Variants in FHIT observed in about 807,000 individuals in gnomAD.
FHIT encodes the protein fragile histidine triad diadenosine triphosphatase.
FHIT carries 19 observed loss-of-function variants against 17.9 expected under a neutral mutation model. The ratio of observed to expected loss-of-function variants is 1.06; its 90% confidence interval spans 0.74 to 1.56. The LOEUF (loss-of-function observed/expected upper bound fraction) is 1.56. Ranked by LOEUF, FHIT falls within the 40% of genes most tolerant of loss-of-function variation. FHIT has a pLI of 0.00. For missense variants in FHIT, 248 were observed against 189.2 expected, an observed-to-expected ratio of 1.31 and a Z score of -1.82; for synonymous variants, 81 against 69.7, an observed-to-expected ratio of 1.16 and a Z score of -0.81.
chr3:59,867,550 T>A (rs1284423843), intron 8 of FHIT, among the ~76,000 whole-genome samples: 1 of 152,140 alleles, frequency 6.6e-6, no homozygotes, highest in Non-Finnish European at 1.5e-5. Context: ...CTTGCATTTA[T>A]GCATTTTGCT....
chr3:59,963,749 G>T (rs1188026647), intron 7 of FHIT, among the ~76,000 whole-genome samples: 1 of 152,136 alleles, frequency 6.6e-6, no homozygotes, highest in Admixed American at 6.5e-5. Context: ...ACTCCAAGAA[G>T]AATTCTCAAT....
chr3:61,011,785 G>A (rs566497623), intron 3 of FHIT, among the ~76,000 whole-genome samples: 1 of 152,190 alleles, frequency 6.6e-6, no homozygotes, highest in East Asian at 1.9e-4. Context: ...AAGCAAAATG[G>A]GAATCTGTAA....
At chr3:59,973,759 T>A (rs1024146790) in intron 7 of FHIT, among the ~76,000 whole-genome samples, 4 of 152,160 alleles carry the variant, frequency 2.6e-5, no homozygotes, top group Non-Finnish European at 5.9e-5. Flanking sequence ...TGATTGAAGT[T>A]ATTTTGGGCC....
intron 2 of FHIT, among the ~76,000 whole-genome samples, chr3:61,043,313 C>T (rs1396605107): frequency 6.6e-6 from 1 of 151,442 alleles, no homozygotes; most frequent in African/African-American, 2.4e-5. Flanking sequence ...ATATCCCGCG[C>T]CTAGCTCGGA....
At chr3:61,243,087 GTCTGGCCTACGCACAGGAA>G (rs2040409936) in intron 1 of FHIT, among the ~76,000 whole-genome samples, 1 of 152,206 alleles carries the variant, frequency 6.6e-6, no homozygotes, top group South Asian at 2.1e-4. Flanking sequence ...CCCAAAGTTA[GTCTGGCCTACGCACAGGAA>G]TGAACGAGGA....
At chr3:61,168,664 C>T (rs974247794) in intron 2 of FHIT, among the ~76,000 whole-genome samples, 5 of 152,310 alleles carry the variant, frequency 3.3e-5, no homozygotes, top group African/African-American at 1.2e-4. Flanking sequence ...CTGAAGAATG[C>T]GAATTTAGTT....
intron 5 of FHIT, among the ~76,000 whole-genome samples, chr3:60,185,444 G>A (rs573812244): frequency 6.6e-6 from 1 of 152,108 alleles, no homozygotes. Flanking sequence ...ATGTTTCTAT[G>A]TATAGTTCAT....
chr3:59,878,317 C>T (rs899464096), intron 8 of FHIT, among the ~76,000 whole-genome samples: 3 of 152,086 alleles, frequency 2.0e-5, no homozygotes, highest in African/African-American at 7.2e-5. Context: ...TAAGACAGTT[C>T]AGAAGAGAAA....
At chr3:60,579,430 T>C (rs1212866111) in intron 4 of FHIT, among the ~76,000 whole-genome samples, 1 of 152,166 alleles carries the variant, frequency 6.6e-6, no homozygotes, top group Non-Finnish European at 1.5e-5. Context: ...AATGTCATTA[T>C]GTGGTGCATG....
rs1484581877 is a variant in FHIT at position 60,773,310 on chromosome 3, A to C, written c.-18+48609T>G. 2.0e-5 allele frequency among the ~76,000 whole-genome samples: 3 copies of C among 152,332 alleles called. No homozygotes were observed. In the East Asian group the frequency reaches 5.8e-4, roughly 29 times the overall value. On this transcript the variant is annotated intron_variant, in intron 4 of 9. Coordinates refer to ENST00000492590, the MANE Select transcript of FHIT (RefSeq NM_002012.4). ...AGGTCAAAACCAAGAATATTTATTT[A>C]TTAGTGTACCCTGTAGCTCTGTACC...
chr3:60,942,888 G>A lies in FHIT; in HGVS notation c.-111+99159C>T, dbSNP rs556892801. Among the ~76,000 whole-genome samples, 35 of 152,206 alleles carry A rather than the reference G, an allele frequency of 2.3e-4. 1 individual carries two copies. The South Asian group carries it at 7.0e-3, about 31-fold the overall frequency. On this transcript the variant is annotated intron_variant, in intron 3 of 9. Transcript: ENST00000492590. Reference sequence around the variant, plus strand: ...TTGTGTCCCACAAGACTTAAAGTATGTACTAATTTCTATCATCATTTTTCT... The same window carrying A: ...TTGTGTCCCACAAGACTTAAAGTATATACTAATTTCTATCATCATTTTTCT...
rs1356530211 is a variant in FHIT at position 60,962,425 on chromosome 3, T to C, written c.-111+79622A>G. Among the ~76,000 whole-genome samples the C allele has an allele frequency of 2.6e-5, 4 of 152,218 alleles. No individual in the cohort carries two copies. In the South Asian group the frequency reaches 8.3e-4, roughly 32 times the overall value. On this transcript the variant is annotated intron_variant, in intron 3 of 9. Transcript: ENST00000492590. ...TTCCTAATTCAATACACTTTATTTCTTTCTCTTGCCTGATTGCCCTGGCCA... is the reference window on the plus strand; with the variant it reads ...TTCCTAATTCAATACACTTTATTTCCTTCTCTTGCCTGATTGCCCTGGCCA...
At chr3:60,133,201 T>C (rs893462819) in intron 5 of FHIT, among the ~76,000 whole-genome samples, 1 of 152,126 alleles carries the variant, frequency 6.6e-6, no homozygotes, top group African/African-American at 2.4e-5. Flanking sequence ...AGGAGGGCTA[T>C]ACCCCAAGCC....
chr3:59,950,821 T>C (rs1054019942), intron 7 of FHIT, among the ~76,000 whole-genome samples: 2 of 152,188 alleles, frequency 1.3e-5, no homozygotes, highest in African/African-American at 4.8e-5. Flanking sequence ...AGAGCCATCA[T>C]CCTTATGCTG....
intron 3 of FHIT, among the ~76,000 whole-genome samples, chr3:60,823,014 G>A (rs1315328137): frequency 5.9e-5 from 9 of 152,116 alleles, no homozygotes; most frequent in East Asian, 3.9e-4. Context: ...AATAATCTTG[G>A]TCTACATCAT....
chr3:60,017,351 A>AG (rs200842200), intron 5 of FHIT, among the ~76,000 whole-genome samples: 2 of 152,180 alleles, frequency 1.3e-5, no homozygotes, highest in African/African-American at 2.4e-5. Context: ...AAGATCAAAA[A>AG]GGGGGGAGAG....
intron 8 of FHIT, among the ~76,000 whole-genome samples, chr3:59,807,379 GAAC>G (rs1441640743): frequency 6.6e-6 from 1 of 152,126 alleles, no homozygotes; most frequent in East Asian, 1.9e-4. Context: ...TGCCAAACAG[GAAC>G]ACACTATGGG....
At position 59,798,525 on chromosome 3, in the gene FHIT, A is replaced by C. The variant is rs114792677; in HGVS notation, c.349-46204T>G. Among the ~76,000 whole-genome samples, 594 of 152,308 alleles carry C rather than the reference A, an allele frequency of 3.9e-3. 6 individuals are homozygous for C. Among genetic ancestry groups the C allele is most frequent in the African/African-American group, 0.014 (565 of 41,570 alleles). ...CATAATCAGATATACCAGGATTCACAAGAATTCAGGGGTGGTCAATATTGA... is the reference window on the plus strand; with the variant it reads ...CATAATCAGATATACCAGGATTCACCAGAATTCAGGGGTGGTCAATATTGA... On this transcript the variant is annotated intron_variant, in intron 8 of 9. Coordinates refer to ENST00000492590, the MANE Select transcript of FHIT (RefSeq NM_002012.4).
chr3:60,739,413 C>T (rs1553713448), intron 4 of FHIT, among the ~76,000 whole-genome samples: 1 of 152,244 alleles, frequency 6.6e-6, no homozygotes, highest in Admixed American at 6.5e-5. Context: ...AGCACTCACT[C>T]TTGCTCCTGC....
Sources: allele counts gnomAD v4.1 joint callset (sites outside exome capture counted in the v4.1 genomes callset), GRCh38; gene constraint gnomAD v4.1.1; transcripts MANE v1.5; gene names NCBI Gene and HGNC (gene_info 2026-07-23, HGNC 2026-07-21).